Variants in FCHSD2 observed in about 807,000 individuals in gnomAD.
FCHSD2 encodes the protein FCH and double SH3 domains 2, also known as F-BAR and double SH3 domains protein 2.
FCHSD2 carries 38 observed loss-of-function variants against 108.1 expected under a neutral mutation model. The ratio of observed to expected loss-of-function variants is 0.35; its 90% CI spans 0.27 to 0.46. The LOEUF (loss-of-function observed/expected upper bound fraction) is 0.46. Ranked by LOEUF, FCHSD2 falls within the 20% of genes least tolerant of loss-of-function variation. The probability of loss-of-function intolerance (pLI) is 1.00; values close to 1 mark genes in which losing one functional copy is unlikely to be tolerated. For synonymous variants in FCHSD2, 279 were observed against 314.7 expected (o/e 0.89, Z 1.20); for missense variants, 751 against 897.8 (o/e 0.84, Z 2.09).
chr11:73,034,662 A>T (rs1858444530), intron 3 of FCHSD2, among the ~76,000 whole-genome samples: 1 of 152,256 alleles, frequency 6.6e-6, no homozygotes, highest in South Asian at 2.1e-4. Context: ...TTGATACTAC[A>T]TCGCCTACAT....
intron 5 of FCHSD2, among the ~76,000 whole-genome samples, chr11:72,999,845 C>A (rs911207867): frequency 6.9e-6 from 1 of 144,040 alleles, no homozygotes; most frequent in Non-Finnish European, 1.5e-5. Context: ...CCCTACCTTA[C>A]ACCCTCTTTC....
intron 14 of FCHSD2, among the ~76,000 whole-genome samples, chr11:72,845,031 C>A (rs1020600796): frequency 2.0e-5 from 3 of 152,152 alleles, no homozygotes; most frequent in African/African-American, 7.2e-5. Context: ...TTTTTCATGG[C>A]AAGACCTAAA....
chr11:73,126,615 G>A (rs1280749847), intron 2 of FCHSD2, among the ~76,000 whole-genome samples: 1 of 145,580 alleles, frequency 6.9e-6, no homozygotes, highest in Admixed American at 6.7e-5. Flanking sequence ...TATAATATCT[G>A]TTAAATATCT....
At chr11:73,000,600 G>A (rs896592406) in intron 5 of FCHSD2, among the ~76,000 whole-genome samples, 1 of 152,102 alleles carries the variant, frequency 6.6e-6, no homozygotes, top group Non-Finnish European at 1.5e-5. Flanking sequence ...TACAAAATGG[G>A]TCAAGTTGAA....
At chr11:72,945,055 A>C (rs974785017) in intron 8 of FCHSD2, among the ~76,000 whole-genome samples, 1 of 152,198 alleles carries the variant, frequency 6.6e-6, no homozygotes, top group African/African-American at 2.4e-5. Context: ...ACTACTTTAA[A>C]ATTCATATGG....
Position 72,987,523 on chromosome 11 carries a change from C to G in FCHSD2, c.521+1441G>C, listed in dbSNP as rs952542684. ...TATCCAATATAAAGTATTCAACAAA[C>G]TGCGAATAAATGAAGATAAAGTGGC... On this transcript the variant is annotated intron_variant, in intron 6 of 19. Transcript: ENST00000409418. Among the ~76,000 whole-genome samples the G allele has an allele frequency of 2.6e-5, 4 of 152,164 alleles. No homozygotes were observed. In the South Asian group the frequency reaches 8.3e-4, roughly 32 times the overall value.
At chr11:73,112,087 T>C (rs540609142) in intron 2 of FCHSD2, among the ~76,000 whole-genome samples, 27 of 152,362 alleles carry the variant, frequency 1.8e-4, no homozygotes, top group Non-Finnish European at 2.8e-4. Flanking sequence ...CCAGTGAGTT[T>C]TGTACCTTTA....
intron 3 of FCHSD2, among the ~76,000 whole-genome samples, chr11:73,031,192 T>C (rs1858352356): frequency 6.6e-6 from 1 of 152,002 alleles, no homozygotes. Context: ...AAATAGAGAA[T>C]AAAGGCCGGG....
At chr11:72,966,981 G>C (rs914329016) in intron 8 of FCHSD2, among the ~76,000 whole-genome samples, 2 of 151,922 alleles carry the variant, frequency 1.3e-5, no homozygotes, top group African/African-American at 2.4e-5. Context: ...GGCGGATCAC[G>C]AGGTCAGGAG....
At chr11:73,115,622 G>A (rs755593492) in intron 2 of FCHSD2, among the ~76,000 whole-genome samples, 4 of 152,192 alleles carry the variant, frequency 2.6e-5, no homozygotes, top group Non-Finnish European at 4.4e-5. Context: ...CAGATAGCTA[G>A]ACACAGACAG....
intron 2 of FCHSD2, among the ~76,000 whole-genome samples, chr11:73,139,471 A>G (rs2135580695): frequency 6.6e-6 from 1 of 152,366 alleles, no homozygotes. Flanking sequence ...TGATTTTCAC[A>G]ATATTAGCAA....
intron 3 of FCHSD2, among the ~76,000 whole-genome samples, chr11:73,068,983 C>G (rs1288745531): frequency 1.3e-5 from 2 of 151,036 alleles, no homozygotes; most frequent in Non-Finnish European, 2.9e-5. Context: ...CCACTGCACT[C>G]TAGCCTGATG....
intron 13 of FCHSD2, 125 bp downstream of exon 13, chr11:72,867,740 A>G (rs1276543067): frequency 7.8e-6 from 6 of 764,434 alleles, no homozygotes; most frequent in Non-Finnish European, 8.3e-6. Flanking sequence ...GCTGAAGAAT[A>G]AAACCTAAAT....
chr11:72,994,414 A>C (rs1407850041), intron 5 of FCHSD2, among the ~76,000 whole-genome samples: 2 of 151,824 alleles, frequency 1.3e-5, no homozygotes, highest in Admixed American at 6.5e-5. Context: ...CAGCAGCAGT[A>C]GTAGTAGTAG....
intron 8 of FCHSD2, among the ~76,000 whole-genome samples, chr11:72,939,261 G>C (rs929752105): frequency 6.6e-6 from 1 of 152,084 alleles, no homozygotes; most frequent in Non-Finnish European, 1.5e-5. Context: ...AAAAAGACAG[G>C]ATCCATTTCT....
At position 73,098,239 on chromosome 11, in the gene FCHSD2, G is replaced by A. The variant is rs551332309; in HGVS notation, c.120-14499C>T. ...ATACTAGTTTCACAGCGTAAGTTTT[G>A]GTATTGTATATTTTTGTTCTCATTT... On this transcript the variant is annotated intron_variant, in intron 2 of 19. Transcript: ENST00000409418. 2.6e-3 allele frequency among the ~76,000 whole-genome samples: 399 copies of A among 152,020 alleles called. 3 individuals carry two copies. The highest frequency in any genetic ancestry group is 4.7e-3 in the Non-Finnish European group (318 of 67,964).
At chr11:72,934,959 C>A (rs551815589) in intron 8 of FCHSD2, among the ~76,000 whole-genome samples, 1 of 152,160 alleles carries the variant, frequency 6.6e-6, no homozygotes. Flanking sequence ...TAAGCAGCCA[C>A]GTCCTTTCCA....
At chr11:73,052,707 C>T (rs1422254271) in intron 3 of FCHSD2, among the ~76,000 whole-genome samples, 4 of 151,986 alleles carry the variant, frequency 2.6e-5, no homozygotes, top group Admixed American at 1.3e-4. Flanking sequence ...CTTATATATT[C>T]GGTATTTTTA....
At position 72,988,929 on chromosome 11, in the gene FCHSD2, CATA is replaced by C. The variant is rs1565356408; in HGVS notation, c.521+32_521+34del. The C allele has an allele frequency of 2.6e-6, 4 of 1,558,520 alleles. No individual in the cohort carries two copies. In the South Asian group the frequency reaches 3.5e-5, roughly 14 times the overall value. ...TATTAGCAACAATAACATTTATTTG[CATA>C]ATAATTTTCTCAGAAATGTTAAAAC... is the stretch of plus-strand genomic sequence containing the variant. On this transcript the variant is annotated intron_variant, in intron 6 of 19. Transcript: ENST00000409418.
Sources: gnomAD v4.1 joint callset for allele counts (sites outside exome capture counted in the v4.1 genomes callset) on GRCh38, gnomAD v4.1.1 for gene constraint, MANE v1.5 for transcripts, NCBI Gene and HGNC (gene_info 2026-07-23, HGNC 2026-07-21) for gene names.